Variants in SND1 observed in about 807,000 individuals in gnomAD.
The protein encoded by SND1 is staphylococcal nuclease and tudor domain containing 1, also known as staphylococcal nuclease domain-containing protein 1.
In SND1, 38 loss-of-function variants were observed where a neutral mutation model predicts 121.7. The ratio of observed to expected loss-of-function variants is 0.31; its 90% confidence interval spans 0.24 to 0.41. The LOEUF is 0.41. Ranked by LOEUF, SND1 falls within the 10% of genes least tolerant of loss-of-function variation. The pLI, the probability that SND1 is intolerant of heterozygous loss-of-function variation, is 1.00. For missense variants in SND1, 868 were observed against 1,184.6 expected (o/e 0.73, Z 3.92); for synonymous variants, 401 against 447.4 (o/e 0.90, Z 1.31).
intron 13 of SND1, among the ~76,000 whole-genome samples, chr7:127,897,762 A>G (rs773650120): frequency 6.6e-6 from 1 of 152,152 alleles, no homozygotes; most frequent in Non-Finnish European, 1.5e-5. Flanking sequence ...CAGGGGATTG[A>G]TTAAAATTTT....
At chr7:127,671,108 GC>G (rs1260163803) in intron 1 of SND1, among the ~76,000 whole-genome samples, 1 of 152,150 alleles carries the variant, frequency 6.6e-6, no homozygotes, top group Non-Finnish European at 1.5e-5. Flanking sequence ...GGAGGACTGG[GC>G]TAGGGAGAGA....
At chr7:127,894,694 A>C (rs1311096232) in intron 13 of SND1, among the ~76,000 whole-genome samples, 2 of 152,144 alleles carry the variant, frequency 1.3e-5, no homozygotes, top group Non-Finnish European at 2.9e-5. Context: ...CAGAGTGTAG[A>C]TTAAATGGGT....
At chr7:128,027,085 A>G (rs1226376438) in intron 16 of SND1, 1 of 152,586 alleles carries the variant, frequency 6.6e-6, no homozygotes, top group African/African-American at 2.4e-5. Context: ...AAATTCAACA[A>G]TATTTATTAA....
intron 15 of SND1, among the ~76,000 whole-genome samples, chr7:127,983,080 G>A (rs974047822): frequency 6.6e-6 from 1 of 152,250 alleles, no homozygotes; most frequent in African/African-American, 2.4e-5. Context: ...AAACTTAAAA[G>A]TGTTGCTTTT....
At chr7:128,079,376 C>T (rs1793559800) in intron 17 of SND1, among the ~76,000 whole-genome samples, 1 of 152,274 alleles carries the variant, frequency 6.6e-6, no homozygotes, top group South Asian at 2.1e-4. Context: ...CTGCTGCCTG[C>T]CTCCTCCCCT....
At chr7:127,934,434 A>G (rs1277215939) in intron 15 of SND1, among the ~76,000 whole-genome samples, 1 of 152,160 alleles carries the variant, frequency 6.6e-6, no homozygotes, top group East Asian at 1.9e-4. Flanking sequence ...GACTCGGGTT[A>G]AGTAAATTCA....
At chr7:127,840,389 G>C (rs1798942331) in intron 11 of SND1, among the ~76,000 whole-genome samples, 1 of 152,128 alleles carries the variant, frequency 6.6e-6, no homozygotes, top group Admixed American at 6.5e-5. Flanking sequence ...AGGGCTCTTT[G>C]TGGTCACTCA....
intron 12 of SND1, chr7:127,858,392 A>G: frequency 7.7e-7 from 1 of 1,301,190 alleles, no homozygotes; most frequent in South Asian, 1.3e-5. Flanking sequence ...TAGGAGCTCC[A>G]AAAGTCCCTC....
intron 10 of SND1, among the ~76,000 whole-genome samples, chr7:127,733,224 ACT>A (rs915312849): frequency 8.6e-5 from 13 of 151,666 alleles, no homozygotes; most frequent in African/African-American, 2.9e-4. Flanking sequence ...GTCCACATTG[ACT>A]CTATTTTCTG....
chr7:127,940,794 T>A (rs553431873), intron 15 of SND1, among the ~76,000 whole-genome samples: 11 of 152,324 alleles, frequency 7.2e-5, no homozygotes, highest in Admixed American at 7.2e-4. Flanking sequence ...GCTCTTTGTG[T>A]GGAATTTGAA....
At position 127,652,275 on chromosome 7, in the gene SND1, C is replaced by G. The variant is rs1379021582; in HGVS notation, c.-99C>G. On this transcript the variant is annotated 5_prime_UTR_variant, in exon 1 of 24. Transcript: ENST00000354725. Reference sequence around the variant, plus strand: ...TCCACCGTCCGCAGCTGGTAGCCAGCCTGCCCCTCGCCTCGACTCCCTTTC... The same window carrying G: ...TCCACCGTCCGCAGCTGGTAGCCAGGCTGCCCCTCGCCTCGACTCCCTTTC... 6.9e-6 allele frequency: 7 copies of G among 1,007,252 alleles called. No homozygotes were observed. The highest frequency in any genetic ancestry group is 1.6e-5 in the African/African-American group (1 of 62,438). 62.4% of individuals were successfully genotyped at this position (1,007,252 alleles called of 1,614,324 possible).
chr7:128,030,815 G>C, intron 16 of SND1: 1 of 772,274 alleles, frequency 1.3e-6, no homozygotes, highest in Non-Finnish European at 2.0e-6. Flanking sequence ...CCAAACTCGA[G>C]CGGCCCCTGG....
Position 127,797,107 on chromosome 7 carries a change from G to A in SND1, c.1153-10377G>A, listed in dbSNP as rs535151695. On this transcript the variant is annotated intron_variant, in intron 10 of 23. Coordinates refer to ENST00000354725, the MANE Select transcript of SND1 (RefSeq NM_014390.4). ...AGGGTTTCACCATGCTGGTCAGGCCGGTCTTGAACTCTTGACCTCAGGTTA... is the reference window on the plus strand; with the variant it reads ...AGGGTTTCACCATGCTGGTCAGGCCAGTCTTGAACTCTTGACCTCAGGTTA... Among the ~76,000 whole-genome samples, 39 of 152,056 alleles carry A rather than the reference G, an allele frequency of 2.6e-4. No individual in the cohort carries two copies. The South Asian group carries it at 4.2e-3, about 16-fold the overall frequency.
intron 15 of SND1, among the ~76,000 whole-genome samples, chr7:127,954,648 C>T (rs562142822): frequency 3.4e-4 from 51 of 152,128 alleles, no homozygotes; most frequent in African/African-American, 1.2e-3. Context: ...AGATTAATTG[C>T]CAAAGTAATT....
intron 15 of SND1, among the ~76,000 whole-genome samples, chr7:127,955,103 G>A (rs1433186339): frequency 2.6e-5 from 4 of 152,162 alleles, no homozygotes; most frequent in Non-Finnish European, 5.9e-5. Context: ...CTCCTTTCTT[G>A]TTGAACAGGG....
intron 10 of SND1, among the ~76,000 whole-genome samples, chr7:127,726,347 T>G (rs1196654063): frequency 6.6e-6 from 1 of 152,246 alleles, no homozygotes; most frequent in African/African-American, 2.4e-5. Context: ...GGCACCCTGC[T>G]TCTGGATTAA....
At chr7:127,761,815 G>C (rs1340303627) in intron 10 of SND1, among the ~76,000 whole-genome samples, 1 of 152,118 alleles carries the variant, frequency 6.6e-6, no homozygotes, top group East Asian at 1.9e-4. Flanking sequence ...CTTTGAAGGT[G>C]CATCTTCCGT....
At chr7:127,693,410 T>C (rs1033811495) in intron 2 of SND1, among the ~76,000 whole-genome samples, 4 of 152,230 alleles carry the variant, frequency 2.6e-5, no homozygotes, top group Non-Finnish European at 5.9e-5. Flanking sequence ...TAAGAACCCT[T>C]ACTGAGGATC....
intron 13 of SND1, among the ~76,000 whole-genome samples, chr7:127,892,753 A>G (rs1246448295): frequency 6.6e-6 from 1 of 151,974 alleles, no homozygotes; most frequent in African/African-American, 2.4e-5. Context: ...ATGTTGTCCC[A>G]CAGTTCTGAG....
Sources: gnomAD v4.1 joint callset for allele counts (sites outside exome capture counted in the v4.1 genomes callset) on GRCh38, gnomAD v4.1.1 for gene constraint, MANE v1.5 for transcripts, NCBI Gene and HGNC (gene_info 2026-07-23, HGNC 2026-07-21) for gene names.